The following WDPCP variants were observed in gnomAD, a reference collection of about 807,000 sequenced individuals.
The protein encoded by WDPCP is WD repeat-containing and planar cell polarity effector protein fritz homolog.
WDPCP carries 71 observed loss-of-function variants against 93.1 expected under a neutral mutation model. That is an observed-to-expected ratio of 0.76 (90% confidence interval 0.63 to 0.93). The LOEUF (loss-of-function observed/expected upper bound fraction) is 0.93. WDPCP is among the 40% of genes least tolerant of loss of function. The pLI, the probability that WDPCP is intolerant of heterozygous loss-of-function variation, is 0.00. For missense variants in WDPCP, 844 were observed against 887.4 expected (o/e 0.95, Z 0.62); for synonymous variants, 315 against 315.0 (o/e 1.00, Z 0.00).
At chr2:63,595,420 T>A in intron 3 of WDPCP, 1 of 1,587,752 alleles carries the variant, frequency 6.3e-7, no homozygotes, top group Non-Finnish European at 8.7e-7. Flanking sequence ...TGCTATTTGG[T>A]AGCCTATAAT....
chr2:63,392,563 G>T (rs890084571), intron 10 of WDPCP, among the ~76,000 whole-genome samples: 29 of 152,164 alleles, frequency 1.9e-4, no homozygotes, highest in Admixed American at 1.4e-3. Context: ...AAGAGCTTCT[G>T]CACAGCAAAA....
chr2:63,474,976 T>C (rs1187468091), intron 6 of WDPCP, among the ~76,000 whole-genome samples: 1 of 152,148 alleles, frequency 6.6e-6, no homozygotes, highest in Non-Finnish European at 1.5e-5. Flanking sequence ...TTCTCTGTGT[T>C]TTCCAAATTT....
At chr2:63,645,261 G>A (rs757554349) in intron 3 of WDPCP, among the ~76,000 whole-genome samples, 27 of 152,120 alleles carry the variant, frequency 1.8e-4, no homozygotes, top group South Asian at 1.2e-3. Context: ...TTATTCACAC[G>A]CTCATCACTC....
At chr2:63,155,437 G>C (rs543578060) in intron 15 of WDPCP, among the ~76,000 whole-genome samples, 1 of 151,932 alleles carries the variant, frequency 6.6e-6, no homozygotes, top group Non-Finnish European at 1.5e-5. Flanking sequence ...AAATCAGCTG[G>C]GCATATTTAT....
chr2:63,404,168 C>G lies in WDPCP; in HGVS notation c.1315G>C (p.Val439Leu). 2 of 1,614,108 alleles carry G rather than the reference C, an allele frequency of 1.2e-6. No homozygotes were observed. The highest frequency in any genetic ancestry group is 1.7e-6 in the Non-Finnish European group (2 of 1,180,014). ...TGAGGAGCTATCCATTGCATTTGAA[C>G]AAGACTGCTGGAGGCATCAAATAAT... ...SKLFDASSSL[V>L]QMQWIAPQVV... The change falls in exon 10 of 18, where the codon GTT (valine) becomes CTT (leucine). Residue 439 changes from valine (V) to leucine (L), a missense_variant. Physicochemically the swap from Val to Leu is conservative, Grantham distance 32. Transcript: ENST00000272321.
At chr2:63,439,603 G>GT (rs1406571460) in intron 7 of WDPCP, among the ~76,000 whole-genome samples, 154 bp downstream of exon 7, 1 of 152,060 alleles carries the variant, frequency 6.6e-6, no homozygotes, top group African/African-American at 2.4e-5. Flanking sequence ...GTCGAAACTT[G>GT]TATTGGTCCC....
chr2:63,392,601 C>T (rs1399613154), intron 10 of WDPCP, among the ~76,000 whole-genome samples: 1 of 152,112 alleles, frequency 6.6e-6, no homozygotes, highest in Non-Finnish European at 1.5e-5. Flanking sequence ...GAACAGGCAA[C>T]CTACAGAATG....
At chr2:63,787,363 A>AC (rs1670484316) in intron 2 of WDPCP, among the ~76,000 whole-genome samples, 1 of 148,112 alleles carries the variant, frequency 6.8e-6, no homozygotes. Flanking sequence ...CGCTTAAGCA[A>AC]GTAGAGTGGA....
At chr2:63,560,053 C>T (rs755434994) in intron 1 of WDPCP, among the ~76,000 whole-genome samples, 10 of 151,900 alleles carry the variant, frequency 6.6e-5, no homozygotes, top group Non-Finnish European at 1.3e-4. Flanking sequence ...CAAACCCTGT[C>T]TCTTAAAACT....
chr2:63,668,779 T>G lies in WDPCP; in HGVS notation n.309-17941A>C, dbSNP rs562682334. 4.0e-4 allele frequency among the ~76,000 whole-genome samples: 61 copies of G among 152,344 alleles called. No individual in the cohort carries two copies. In the South Asian group the frequency reaches 0.012, roughly 31 times the overall value. On this transcript the variant is annotated intron_variant and non_coding_transcript_variant, in intron 2 of 4. Transcript: ENST00000467687. Reference sequence around the variant, plus strand: ...TCTCCCTCTCTCCCCTCCTCCTTTCTGTACACTCCTGGTTCTCTTCTAGGT... The same window carrying G: ...TCTCCCTCTCTCCCCTCCTCCTTTCGGTACACTCCTGGTTCTCTTCTAGGT...
At chr2:63,282,457 A>G (rs1239013314) in intron 13 of WDPCP, among the ~76,000 whole-genome samples, 1 of 152,216 alleles carries the variant, frequency 6.6e-6, no homozygotes, top group East Asian at 1.9e-4. Context: ...GTGAGCCGAG[A>G]TCGCGCCACT....
At chr2:63,377,437 A>G (rs1691937709) in intron 12 of WDPCP, among the ~76,000 whole-genome samples, 1 of 151,480 alleles carries the variant, frequency 6.6e-6, no homozygotes, top group African/African-American at 2.4e-5. Flanking sequence ...TACTATACAT[A>G]TATGTATACA....
At position 63,575,406 on chromosome 2, in the gene WDPCP, T is replaced by C. The variant is rs866486944; in HGVS notation, c.75+12791A>G. ...ATATACACGGTATATACAGTATATA[T>C]ACAGTATATACACTGTATACAGTGT... On this transcript the variant is annotated intron_variant, in intron 1 of 17. Transcript: ENST00000272321. 1.8e-3 allele frequency among the ~76,000 whole-genome samples: 153 copies of C among 84,462 alleles called. 8 individuals are homozygous for C. Among genetic ancestry groups the C allele is most frequent in the African/African-American group, 7.1e-3 (110 of 15,424 alleles). The allele number at this position is 84,462 out of a possible 152,430, so 55.4% of individuals were successfully genotyped here.
At chr2:63,352,942 T>G (rs1689735864) in intron 12 of WDPCP, among the ~76,000 whole-genome samples, 1 of 152,196 alleles carries the variant, frequency 6.6e-6, no homozygotes, top group Non-Finnish European at 1.5e-5. Flanking sequence ...AGTGGCCCTT[T>G]CTAATAAAAA....
chr2:63,795,479 A>T (rs1249964601), intron 2 of WDPCP, among the ~76,000 whole-genome samples: 1 of 151,482 alleles, frequency 6.6e-6, no homozygotes, highest in African/African-American at 2.4e-5. Flanking sequence ...CAACCTGGGC[A>T]ACATAGTGAG....
chr2:63,622,037 C>A (rs553493090), intron 3 of WDPCP: 1 of 766,184 alleles, frequency 1.3e-6, no homozygotes, highest in East Asian at 3.3e-5. Flanking sequence ...CTCCCCACTC[C>A]CCTCACCCCT....
At chr2:63,632,337 C>T (rs569649808) in intron 3 of WDPCP, among the ~76,000 whole-genome samples, 4 of 152,206 alleles carry the variant, frequency 2.6e-5, no homozygotes, top group Non-Finnish European at 4.4e-5. Context: ...CACAATACCA[C>T]CAGAGGAACA....
At chr2:63,831,742 TA>T (rs1381900091), upstream of WDPCP, among the ~76,000 whole-genome samples, 3 of 152,078 alleles carry the variant, frequency 2.0e-5, no homozygotes, top group Non-Finnish European at 4.4e-5. Context: ...TGGGTAAAAA[TA>T]TTTTTTAACA....
chr2:63,216,309 A>G (rs1206381191), intron 14 of WDPCP, among the ~76,000 whole-genome samples: 8 of 152,198 alleles, frequency 5.3e-5, no homozygotes, highest in Admixed American at 2.0e-4. Flanking sequence ...AACCAACCCA[A>G]ATGTCCAACA....
Sources: allele counts gnomAD v4.1 joint callset (sites outside exome capture counted in the v4.1 genomes callset), GRCh38; gene constraint gnomAD v4.1.1; transcripts MANE v1.5; gene names NCBI Gene and HGNC (gene_info 2026-07-23, HGNC 2026-07-21).